SPEG: variants seen among roughly 807,000 people sequenced by gnomAD.
SPEG encodes the protein striated muscle preferentially expressed protein kinase.
In SPEG, 114 loss-of-function variants were observed where a neutral mutation model predicts 300.4. The ratio of observed to expected loss-of-function variants is 0.38; its 90% CI spans 0.33 to 0.44. The LOEUF is 0.44. Among genes scored for constraint, SPEG ranks in the 20% least tolerant of loss-of-function variants. The pLI is 1.00. For synonymous variants in SPEG, 1,964 were observed against 2,018.9 expected (o/e 0.97, Z 0.73); for missense variants, 4,201 against 4,586.2 (o/e 0.92, Z 2.43).
At position 219,480,604 on chromosome 2, in the gene SPEG, C is replaced by T; in HGVS notation, c.5343-67C>T. On this transcript the variant is annotated intron_variant, in intron 25 of 40. Transcript: ENST00000312358. This position sits in a 1 kb window ranked among gnomAD's most constrained non-coding sequence, Gnocchi z 5.3. ...AACAGCTCACTCAGGTCAGCAGTAGCAAAGAACTGCTCCCTTCCAGTCAGA... is the reference window on the plus strand; with the variant it reads ...AACAGCTCACTCAGGTCAGCAGTAGTAAAGAACTGCTCCCTTCCAGTCAGA... 6.4e-7 allele frequency: 1 copy of T among 1,553,352 alleles called. No homozygotes were observed. The highest frequency in any genetic ancestry group is 1.7e-5 in the Admixed American group (1 of 59,858).
chr2:219,444,127 C>A lies in SPEG; in HGVS notation c.389-526C>A. ...TTCCCACCCGGCCCCGGCCTCTCCTCACCCTGCCTCAGCTGCACCCGATGC... is the reference window on the plus strand; with the variant it reads ...TTCCCACCCGGCCCCGGCCTCTCCTAACCCTGCCTCAGCTGCACCCGATGC... On this transcript the variant is annotated intron_variant, in intron 1 of 40. Coordinates refer to ENST00000312358, the MANE Select transcript of SPEG (RefSeq NM_005876.5). The surrounding 1 kb of genome is among the most constrained non-coding windows in gnomAD (Gnocchi z 7.8). 8.5e-7 allele frequency: 1 copy of A among 1,170,968 alleles called. No individual in the cohort carries two copies. The highest frequency in any genetic ancestry group is 2.2e-5 in the Admixed American group (1 of 45,324). The allele number at this position is 1,170,968 out of a possible 1,614,324, so 72.5% of individuals were successfully genotyped here. A position where few individuals can be genotyped will look rare whatever the true frequency, so the allele number is the denominator to read the frequency against.
intron 31 of SPEG, among the ~76,000 whole-genome samples, chr2:219,485,814 T>C (rs1365654257): frequency 6.6e-6 from 1 of 152,214 alleles, no homozygotes; most frequent in Non-Finnish European, 1.5e-5. Context: ...GAAGTTGGAC[T>C]GTGTGACCTT....
chr2:219,470,469 G>A (rs1309966674), intron 13 of SPEG, among the ~76,000 whole-genome samples: 2 of 151,298 alleles, frequency 1.3e-5, no homozygotes, highest in East Asian at 3.8e-4. Flanking sequence ...CTGAGGCCCT[G>A]GGTGAGTGTC....
intron 31 of SPEG, among the ~76,000 whole-genome samples, chr2:219,487,087 C>T (rs1396235250): frequency 6.6e-6 from 1 of 152,116 alleles, no homozygotes; most frequent in African/African-American, 2.4e-5. Context: ...TGAATAAAAT[C>T]CACCCCCAAG....
chr2:219,447,404 C>G (rs1689385433), intron 3 of SPEG, among the ~76,000 whole-genome samples: 1 of 152,182 alleles, frequency 6.6e-6, no homozygotes. Flanking sequence ...CAGGTCTACA[C>G]AGCAGCTAGG....
At chr2:219,436,735 C>G (rs1379519071) in intron 1 of SPEG, among the ~76,000 whole-genome samples, 1 of 152,182 alleles carries the variant, frequency 6.6e-6, no homozygotes, top group East Asian at 1.9e-4. Flanking sequence ...GCTGGCGTCT[C>G]CTGGTTGGCC....
intron 30 of SPEG, 113 bp from the exon 31 acceptor site, chr2:219,485,233 G>A (rs1693281665): frequency 6.7e-7 from 1 of 1,495,996 alleles, no homozygotes; most frequent in Non-Finnish European, 9.0e-7. Context: ...AGGAATGGCG[G>A]CAGGGCTGGG....
chr2:219,444,385 CGG>C lies in SPEG; in HGVS notation c.389-265_389-264del, dbSNP rs879412091. Among the ~76,000 whole-genome samples the C allele has an allele frequency of 1.4e-4, 21 of 151,800 alleles. No individual in the cohort carries two copies. Among genetic ancestry groups the C allele is most frequent in the Non-Finnish European group, 2.6e-4 (18 of 67,948 alleles). Reference sequence around the variant, plus strand: ...GATAATCCATTAAGATATTGGCAGGCGGGGAGGGGGTGGCAGTTTGGAGGGCC... The same window carrying C: ...GATAATCCATTAAGATATTGGCAGGCGGAGGGGGTGGCAGTTTGGAGGGCC... On this transcript the variant is annotated intron_variant, in intron 1 of 40. Coordinates refer to ENST00000312358, the MANE Select transcript of SPEG (RefSeq NM_005876.5). This position sits in a 1 kb window ranked among gnomAD's most constrained non-coding sequence, Gnocchi z 7.8.
At chr2:219,488,331 A>G in intron 32 of SPEG, 21 bp downstream of exon 32, 1 of 1,567,780 alleles carries the variant, frequency 6.4e-7, no homozygotes. Context: ...TCTGTCTCCC[A>G]CAGAGAGGGA....
At chr2:219,441,479 G>C (rs2125217000) in intron 1 of SPEG, 1 of 468,066 alleles carries the variant, frequency 2.1e-6, no homozygotes, top group East Asian at 7.0e-5. Context: ...GCCCCCACCC[G>C]GCGCTGTGCC....
Position 219,481,782 on chromosome 2 carries a change from A to G in SPEG, c.5565+102A>G. 1 of 1,023,996 alleles carries G rather than the reference A, an allele frequency of 9.8e-7. No homozygotes were observed. The highest frequency in any genetic ancestry group is 1.3e-5 in the South Asian group (1 of 76,560). The allele number at this position is 1,023,996 out of a possible 1,614,324, so 63.4% of individuals were successfully genotyped here. A position where few individuals can be genotyped will look rare whatever the true frequency, so the allele number is the denominator to read the frequency against. ...ACCTACTGTGTGCAGTAACCACGTTAGGCATTGTATGTACATATGACGTAT... is the reference window on the plus strand; with the variant it reads ...ACCTACTGTGTGCAGTAACCACGTTGGGCATTGTATGTACATATGACGTAT... On this transcript the variant is annotated intron_variant, in intron 28 of 40. Transcript: ENST00000312358. This position sits in a 1 kb window ranked among gnomAD's most constrained non-coding sequence, Gnocchi z 5.4.
At position 219,485,375 on chromosome 2, in the gene SPEG, T is replaced by C. The variant is rs371117209; in HGVS notation, c.7639T>C (p.Trp2547Arg). 1.9e-6 allele frequency: 3 copies of C among 1,607,212 alleles called. No individual in the cohort carries two copies. Among genetic ancestry groups the C allele is most frequent in the Non-Finnish European group, 2.5e-6 (3 of 1,177,218 alleles). The change falls in exon 31 of 41, where the codon TGG becomes CGG. Residue 2547 changes from tryptophan to arginine, a missense_variant. Transcript: ENST00000312358. ...AGGGGAAAGCCGAAGCCGGCTCCGC[T>C]GGGGCTTCTCTCGGCCGCGGAAGGA... ...APGESRSRLR[W>R]GFSRPRKDKG...
chr2:219,462,099 C>T (rs552943654), intron 7 of SPEG, 42 bp downstream of exon 7: 15 of 1,508,884 alleles, frequency 9.9e-6, no homozygotes, highest in Middle Eastern at 2.2e-4. Context: ...TGTGTGCCCC[C>T]GTTCCTTTGG....
rs1166685794 is a variant in SPEG at position 219,468,607 on chromosome 2, G to A, written c.3172G>A (p.Val1058Met). 2.5e-6 allele frequency: 4 copies of A among 1,613,536 alleles called. No individual in the cohort carries two copies. Among genetic ancestry groups the A allele is most frequent in the South Asian group, 2.2e-5 (2 of 91,068 alleles). Residue 1058 changes from valine (V) to methionine (M), a missense_variant, in exon 11 of 41, where the codon GTG (valine) becomes ATG (methionine). By Grantham distance (21) the Val-to-Met change is conservative (BLOSUM62 1). Coordinates refer to ENST00000312358, the MANE Select transcript of SPEG (RefSeq NM_005876.5). ...DELTCSARLTVRPSLAPLFTR... is the reference protein window; with the variant it reads ...DELTCSARLTMRPSLAPLFTR... ...GCTGACCTGCAGTGCCCGGCTGACC[G>A]TGCGGCCCTCGTTGGCACCCCTGTT...
At position 219,480,220 on chromosome 2, in the gene SPEG, G is replaced by A; in HGVS notation, c.5342+80G>A. 1 of 1,463,834 alleles carries A rather than the reference G, an allele frequency of 6.8e-7. No individual in the cohort carries two copies. Among genetic ancestry groups the A allele is most frequent in the African/African-American group, 1.4e-5 (1 of 72,024 alleles). The allele number at this position is 1,463,834 out of a possible 1,614,324, so 90.7% of individuals were successfully genotyped here. A position where few individuals can be genotyped will look rare whatever the true frequency, so the allele number is the denominator to read the frequency against. On this transcript the variant is annotated intron_variant, in intron 25 of 40. Coordinates refer to ENST00000312358, the MANE Select transcript of SPEG (RefSeq NM_005876.5). This position sits in a 1 kb window ranked among gnomAD's most constrained non-coding sequence, Gnocchi z 5.3. ...CTGGGGACGCGCTCACTGGCAGGGA[G>A]ATTTACCGAGCCTGAATTCCTCCTG...
chr2:219,437,856 T>C (rs2125196957), intron 1 of SPEG, among the ~76,000 whole-genome samples: 1 of 152,222 alleles, frequency 6.6e-6, no homozygotes, highest in South Asian at 2.1e-4. Flanking sequence ...TGCTCAGACT[T>C]ACTCATGGAA....
chr2:219,468,723 C>T lies in SPEG; in HGVS notation c.3288C>T (p.Thr1096=), dbSNP rs749015128. ...KISGTPPPVV[T]WTHFGCPMEE... ...GTGGCACCCCGCCCCCTGTTGTTAC[C>T]TGGACTCATTTTGGTACGGCCCCTG... is the stretch of plus-strand genomic sequence containing the variant. The change falls in exon 11 of 41, where the codon ACC becomes ACT. Residue 1096 remains threonine, a synonymous_variant. Coordinates refer to ENST00000312358, the MANE Select transcript of SPEG (RefSeq NM_005876.5). 2 of 1,614,140 alleles carry T rather than the reference C, an allele frequency of 1.2e-6. No individual in the cohort carries two copies. The highest frequency in any genetic ancestry group is 1.1e-5 in the South Asian group (1 of 91,078).
chr2:219,452,740 C>T (rs1253584549), intron 6 of SPEG, among the ~76,000 whole-genome samples: 4 of 151,998 alleles, frequency 2.6e-5, no homozygotes, highest in African/African-American at 9.7e-5. Flanking sequence ...TAGACCGGCA[C>T]GGGGAAGGCG....
At chr2:219,440,274 G>A (rs1954825026) in intron 1 of SPEG, among the ~76,000 whole-genome samples, 1 of 151,796 alleles carries the variant, frequency 6.6e-6, no homozygotes, top group Non-Finnish European at 1.5e-5. Flanking sequence ...GTAGTCTCAG[G>A]TACAAGGGGG....
Sources: allele counts gnomAD v4.1 joint callset (sites outside exome capture counted in the v4.1 genomes callset), GRCh38; gene constraint gnomAD v4.1.1; non-coding constraint Gnocchi (gnomAD v3.1); transcripts MANE v1.5; gene names NCBI Gene and HGNC (gene_info 2026-07-23, HGNC 2026-07-21).